Variants in NBAS observed in about 807,000 individuals in gnomAD.
The protein encoded by NBAS is NAG/BC035112 fusion.
A neutral mutation model predicts 302.5 loss-of-function variants in NBAS; 219 were observed. The ratio of observed to expected loss-of-function variants is 0.72; its 90% CI spans 0.65 to 0.81. The LOEUF is 0.81. Ranked by LOEUF, NBAS falls within the 30% of genes least tolerant of loss-of-function variation. The pLI is 0.00. For missense variants in NBAS, 2,932 were observed against 2,841.6 expected (o/e 1.03, Z -0.72); for synonymous variants, 1,118 against 1,021.6 (o/e 1.09, Z -1.80).
the NBAS span, among the ~76,000 whole-genome samples, chr2:15,126,015 C>T: frequency 2.3e-4 from 35 of 152,248 alleles, 1 homozygote; most frequent in South Asian, 1.0e-3. Context: ...TCAAATCTCA[C>T]GTTGAAGTGT....
chr2:14,810,047 C>T, the NBAS span, among the ~76,000 whole-genome samples: 2 of 152,224 alleles, frequency 1.3e-5, no homozygotes, highest in Admixed American at 6.5e-5. Context: ...AATGCCTGTA[C>T]TCTCATTTTA....
intron 9 of NBAS, among the ~76,000 whole-genome samples, chr2:15,527,013 G>A (rs1466586661): frequency 6.6e-6 from 1 of 151,706 alleles, no homozygotes; most frequent in Non-Finnish European, 1.5e-5. Flanking sequence ...AATCAAGAGA[G>A]TGGAGTAGTC....
downstream of NBAS, among the ~76,000 whole-genome samples, chr2:15,166,207 C>T (rs1276741430): frequency 6.6e-6 from 1 of 152,216 alleles, no homozygotes; most frequent in Non-Finnish European, 1.5e-5. Flanking sequence ...TATTCACGCC[C>T]TTGCTATGAT....
intron 28 of NBAS, among the ~76,000 whole-genome samples, chr2:15,389,504 G>C (rs1675482792): frequency 1.3e-5 from 2 of 152,200 alleles, no homozygotes; most frequent in African/African-American, 4.8e-5. Context: ...ATGGTATACT[G>C]TGGAGTTAGA....
chr2:15,291,867 A>C (rs1156540485), intron 41 of NBAS, among the ~76,000 whole-genome samples: 1 of 152,164 alleles, frequency 6.6e-6, no homozygotes, highest in Non-Finnish European at 1.5e-5. Context: ...GCCCCTGATC[A>C]CATGTTATTA....
At chr2:15,453,781 T>C (rs965830488) in intron 21 of NBAS, among the ~76,000 whole-genome samples, 1 of 151,168 alleles carries the variant, frequency 6.6e-6, no homozygotes, top group African/African-American at 2.4e-5. Context: ...TTTTCTTTTC[T>C]TTTTTCTTTT....
chr2:15,235,781 G>A (rs1377957706), intron 45 of NBAS, among the ~76,000 whole-genome samples: 1 of 152,178 alleles, frequency 6.6e-6, no homozygotes, highest in East Asian at 1.9e-4. Flanking sequence ...GACAGTTGTT[G>A]AAGCTGGGAG....
chr2:14,946,565 G>T, the NBAS span, among the ~76,000 whole-genome samples: 6 of 152,014 alleles, frequency 3.9e-5, no homozygotes, highest in Non-Finnish European at 7.4e-5. Context: ...AATCTAAAGG[G>T]AAAAGTATAC....
At chr2:15,021,412 C>T in the NBAS span, among the ~76,000 whole-genome samples, 620 of 152,166 alleles carry the variant, frequency 4.1e-3, 5 homozygotes, top group African/African-American at 0.014. Context: ...CTCCAGAACC[C>T]GCCACTGAGG....
chr2:15,114,548 C>T, the NBAS span, among the ~76,000 whole-genome samples: 1 of 152,156 alleles, frequency 6.6e-6, no homozygotes, highest in Non-Finnish European at 1.5e-5. Context: ...CAACCCATAA[C>T]AGGAGCCTGT....
At chr2:14,784,599 T>A in the NBAS span, among the ~76,000 whole-genome samples, 1 of 152,172 alleles carries the variant, frequency 6.6e-6, no homozygotes, top group African/African-American at 2.4e-5. Flanking sequence ...GCTTGTTTTT[T>A]CTCAGCTTTG....
In NBAS at chr2:15,276,965, G is replaced by C. The variant is rs772290513; in HGVS notation, c.5275C>G (p.Leu1759Val). Reference sequence around the variant, plus strand: ...TCCAGAAGAGTGAAATAATACTGCAGCCTTTCGTGATCAAAGCCACCAATA... The same window carrying C: ...TCCAGAAGAGTGAAATAATACTGCACCCTTTCGTGATCAAAGCCACCAATA... ...PTIGGFDHERLQYYFTLLENC... is the reference protein window; with the variant it reads ...PTIGGFDHERVQYYFTLLENC... Residue 1759 changes from leucine (L) to valine (V), a missense_variant, in exon 43 of 52, where the codon CTG (leucine) becomes GTG (valine). Coordinates refer to ENST00000281513, the MANE Select transcript of NBAS (RefSeq NM_015909.4). 3 of 1,613,898 alleles carry C rather than the reference G, an allele frequency of 1.9e-6. No homozygotes were observed. The highest frequency in any genetic ancestry group is 4.5e-5 in the East Asian group (2 of 44,884).
intron 40 of NBAS, among the ~76,000 whole-genome samples, chr2:15,293,085 T>C (rs1333292304): frequency 1.3e-5 from 2 of 152,184 alleles, no homozygotes; most frequent in African/African-American, 4.8e-5. Flanking sequence ...TAAACCTCCA[T>C]CAGATTTGTC....
chr2:15,259,882 G>A (rs190181693), intron 44 of NBAS, among the ~76,000 whole-genome samples: 2 of 152,280 alleles, frequency 1.3e-5, no homozygotes, highest in East Asian at 3.9e-4. Context: ...GGTTTATGCT[G>A]GGCTCTCTTC....
At chr2:14,800,667 T>C in the NBAS span, among the ~76,000 whole-genome samples, 1 of 152,224 alleles carries the variant, frequency 6.6e-6, no homozygotes. Context: ...CCTTAAAGAC[T>C]TATATTTTCC....
chr2:14,881,174 T>C, the NBAS span, among the ~76,000 whole-genome samples: 10 of 152,148 alleles, frequency 6.6e-5, 1 homozygote, highest in Admixed American at 3.9e-4. Context: ...AATGAAGTCA[T>C]ATCCTTTGCA....
chr2:14,833,022 G>A, the NBAS span, among the ~76,000 whole-genome samples: 1 of 152,168 alleles, frequency 6.6e-6, no homozygotes, highest in Non-Finnish European at 1.5e-5. Context: ...CTAGTGAATA[G>A]CAGACATTGT....
At chr2:15,056,828 T>C in the NBAS span, among the ~76,000 whole-genome samples, 11 of 130,690 alleles carry the variant, frequency 8.4e-5, no homozygotes, top group Admixed American at 1.6e-4. Flanking sequence ...TTTTCTTTTT[T>C]TTTTCTTTTT....
intron 21 of NBAS, among the ~76,000 whole-genome samples, chr2:15,435,517 T>C (rs1389928671): frequency 6.6e-6 from 1 of 152,168 alleles, no homozygotes; most frequent in Non-Finnish European, 1.5e-5. Context: ...TCTTTCTCAT[T>C]TTACAGGAGA....
Sources: allele counts gnomAD v4.1 joint callset (sites outside exome capture counted in the v4.1 genomes callset), GRCh38; gene constraint gnomAD v4.1.1; transcripts MANE v1.5; gene names NCBI Gene and HGNC (gene_info 2026-07-23, HGNC 2026-07-21).